RABGAP1L: variants seen among roughly 807,000 people sequenced by gnomAD.
The protein encoded by RABGAP1L is RAB GTPase activating protein 1 like.
Under a neutral mutation model 137.7 loss-of-function variants are expected in RABGAP1L, and 63 were observed. The ratio of observed to expected loss-of-function variants is 0.46; its 90% CI spans 0.37 to 0.56. The LOEUF is 0.56. Among genes scored for constraint, RABGAP1L ranks in the 20% least tolerant of loss-of-function variants. The probability of loss-of-function intolerance (pLI) is 0.00; values close to 1 mark genes in which losing one functional copy is unlikely to be tolerated. For missense variants in RABGAP1L, 1,095 were observed against 1,244.0 expected, an observed-to-expected ratio of 0.88 and a Z score of 1.80; for synonymous variants, 431 against 433.7, an observed-to-expected ratio of 0.99 and a Z score of 0.08.
intron 17 of RABGAP1L, 32 bp downstream of exon 17, chr1:174,702,288 A>G (rs531006844): frequency 2.0e-6 from 3 of 1,535,626 alleles, no homozygotes; most frequent in East Asian, 4.8e-5. Context: ...ACTAAGCCAA[A>G]ATAGAAAGTA....
chr1:174,283,152 C>T (rs1364484391), intron 10 of RABGAP1L, among the ~76,000 whole-genome samples: 1 of 151,948 alleles, frequency 6.6e-6, no homozygotes, highest in Non-Finnish European at 1.5e-5. Flanking sequence ...CTGGTAGTCC[C>T]AGTACTTTGG....
intron 11 of RABGAP1L, among the ~76,000 whole-genome samples, chr1:174,316,277 C>T (rs1226109562): frequency 2.0e-5 from 3 of 152,112 alleles, no homozygotes; most frequent in Non-Finnish European, 1.5e-5. Flanking sequence ...TCATATTTTC[C>T]TGGATGGTGT....
At chr1:174,636,022 TTAG>T (rs1216491808) in intron 13 of RABGAP1L, among the ~76,000 whole-genome samples, 1 of 152,230 alleles carries the variant, frequency 6.6e-6, no homozygotes, top group Non-Finnish European at 1.5e-5. Context: ...TAATTTGCAA[TTAG>T]TAGTCTGATG....
chr1:174,653,197 T>C (rs1432895077), intron 14 of RABGAP1L, among the ~76,000 whole-genome samples: 3 of 152,058 alleles, frequency 2.0e-5, no homozygotes, highest in African/African-American at 7.2e-5. Flanking sequence ...ATGCTGGCAG[T>C]GAGAATTTCA....
chr1:174,833,410 A>ATG (rs569902746), intron 19 of RABGAP1L, among the ~76,000 whole-genome samples: 27,685 of 64,062 alleles, frequency 0.43, 5,955 homozygotes, highest in Admixed American at 0.53. Flanking sequence ...GTATGTGTGT[A>ATG]TGTGTGTGTG....
chr1:174,992,664 A>T lies in RABGAP1L; in HGVS notation c.*2663A>T, dbSNP rs1672140606. ...CAATAGTAAAGACTAGAAACAAAGA[A>T]AATTCAGAATTTGGTATGTGATATG... is the stretch of plus-strand genomic sequence containing the variant. On this transcript the variant is annotated 3_prime_UTR_variant, in exon 26 of 26. Coordinates refer to ENST00000681986, the MANE Select transcript of RABGAP1L (RefSeq NM_001366446.1). The T allele has an allele frequency of 6.6e-6, 1 of 152,214 alleles. No individual in the cohort carries two copies. The highest frequency in any genetic ancestry group is 6.5e-5 in the Admixed American group (1 of 15,286). 9.4% of individuals were successfully genotyped at this position (152,214 alleles called of 1,614,324 possible).
intron 13 of RABGAP1L, among the ~76,000 whole-genome samples, chr1:174,575,889 T>C (rs1668338012): frequency 6.6e-6 from 1 of 152,156 alleles, no homozygotes; most frequent in Non-Finnish European, 1.5e-5. Context: ...GCATTTATTA[T>C]TAAGTTTAGT....
chr1:174,585,438 G>C (rs185482427), intron 13 of RABGAP1L, among the ~76,000 whole-genome samples: 62 of 152,238 alleles, frequency 4.1e-4, no homozygotes, highest in Admixed American at 1.8e-3. Context: ...AATAAATCAA[G>C]TTTTCCCCAA....
intron 11 of RABGAP1L, among the ~76,000 whole-genome samples, chr1:174,307,280 C>T (rs1346918191): frequency 6.6e-6 from 1 of 152,124 alleles, no homozygotes; most frequent in Non-Finnish European, 1.5e-5. Flanking sequence ...GAGAACAGCT[C>T]ACTTTTAAAA....
At chr1:174,681,958 C>T (rs1374879897) in intron 14 of RABGAP1L, among the ~76,000 whole-genome samples, 2 of 152,112 alleles carry the variant, frequency 1.3e-5, no homozygotes, top group African/African-American at 2.4e-5. Context: ...TCCTGGATTT[C>T]AGTAGTATTC....
intron 7 of RABGAP1L, among the ~76,000 whole-genome samples, chr1:174,264,771 G>A (rs1376854511): frequency 2.0e-5 from 3 of 150,288 alleles, no homozygotes; most frequent in Non-Finnish European, 3.0e-5. Flanking sequence ...TAGAGGAAAG[G>A]GATTAAAGAA....
At chr1:174,343,501 T>G (rs1558148526) in intron 11 of RABGAP1L, among the ~76,000 whole-genome samples, 1 of 152,204 alleles carries the variant, frequency 6.6e-6, no homozygotes, top group Non-Finnish European at 1.5e-5. Context: ...TCTCATTTTG[T>G]TTACATTTCC....
intron 1 of RABGAP1L, among the ~76,000 whole-genome samples, chr1:174,215,824 T>G (rs1669269113): frequency 6.6e-6 from 1 of 152,198 alleles, no homozygotes; most frequent in Non-Finnish European, 1.5e-5. Flanking sequence ...CTGCTAGGTA[T>G]ATACTCCGAA....
intron 9 of RABGAP1L, among the ~76,000 whole-genome samples, chr1:174,277,881 G>C (rs188446476): frequency 6.6e-6 from 1 of 152,210 alleles, no homozygotes; most frequent in Admixed American, 6.5e-5. Context: ...ACTGTATTTA[G>C]TAAGAATGTA....
At chr1:174,251,685 T>C (rs994750020) in intron 6 of RABGAP1L, among the ~76,000 whole-genome samples, 11 of 152,198 alleles carry the variant, frequency 7.2e-5, no homozygotes, top group African/African-American at 1.2e-4. Context: ...TCTTTGTCCA[T>C]CTTTTGTTTA....
At chr1:174,425,662 T>C (rs1651862526) in intron 13 of RABGAP1L, among the ~76,000 whole-genome samples, 1 of 152,038 alleles carries the variant, frequency 6.6e-6, no homozygotes, top group Admixed American at 6.6e-5. Context: ...CACTGTCTTG[T>C]CTGTTATATT....
intron 11 of RABGAP1L, among the ~76,000 whole-genome samples, chr1:174,313,778 T>C (rs1679094062): frequency 6.6e-6 from 1 of 152,160 alleles, no homozygotes; most frequent in African/African-American, 2.4e-5. Flanking sequence ...TGATCATAGT[T>C]TTTTTCCTTC....
At chr1:174,621,035 A>G (rs918493143) in intron 13 of RABGAP1L, among the ~76,000 whole-genome samples, 1 of 152,348 alleles carries the variant, frequency 6.6e-6, no homozygotes, top group Middle Eastern at 3.4e-3. Flanking sequence ...GAAAATCTAG[A>G]AGAAATGGAT....
At chr1:174,680,312 A>G (rs1266514777) in intron 14 of RABGAP1L, among the ~76,000 whole-genome samples, 2 of 152,186 alleles carry the variant, frequency 1.3e-5, no homozygotes, top group Non-Finnish European at 2.9e-5. Context: ...CATGAATTGG[A>G]TTAGTGCTTT....
Sources: gnomAD v4.1 joint callset for allele counts (sites outside exome capture counted in the v4.1 genomes callset) on GRCh38, gnomAD v4.1.1 for gene constraint, MANE v1.5 for transcripts, NCBI Gene and HGNC (gene_info 2026-07-23, HGNC 2026-07-21) for gene names.